MYL12A: variants seen among roughly 807,000 people sequenced by gnomAD.
MYL12A encodes the protein myosin light chain 12A, also known as myosin regulatory light chain 12A.
In MYL12A, 11 loss-of-function variants were observed where a neutral mutation model predicts 13.3. That is an observed-to-expected ratio of 0.83 (90% confidence interval 0.52 to 1.37). The LOEUF is 1.37. Among genes scored for constraint, MYL12A ranks in the 40% most tolerant of loss-of-function variants. The pLI is 0.00. For synonymous variants in MYL12A, 51 were observed against 69.9 expected (o/e 0.73, Z 1.35); for missense variants, 146 against 212.3 (o/e 0.69, Z 1.94).
Position 3,255,542 on chromosome 18 carries a change from G to A in MYL12A, c.344-204G>A, listed in dbSNP as rs2081527857. On this transcript the variant is annotated intron_variant, in intron 3 of 3. Coordinates refer to ENST00000217652, the MANE Select transcript of MYL12A (RefSeq NM_006471.4). ...GCAGAATGATAGAGCAAATGATAGA[G>A]CGGAGCAGTGCTGCTAAGCAGCTAG... 5 of 518,644 alleles carry A rather than the reference G, an allele frequency of 9.6e-6. No homozygotes were observed. In the Admixed American group the frequency reaches 2.0e-4, roughly 20 times the overall value. The allele number at this position is 518,644 out of a possible 1,614,324, so 32.1% of individuals were successfully genotyped here.
At chr18:3,252,470 G>A (rs1189798480) in intron 1 of MYL12A, 16 of 1,274,316 alleles carry the variant, frequency 1.3e-5, no homozygotes, top group South Asian at 1.9e-5. Flanking sequence ...AAATTTTACC[G>A]GGATAAATTT....
Position 3,253,240 on chromosome 18 carries a change from C to A in MYL12A, c.-8C>A, listed in dbSNP as rs762914141. ...ATTTCCTTTCCTAATTAGGACTTAACCACCACCATGTCGAGCAAAAGAACA... is the reference window on the plus strand; with the variant it reads ...ATTTCCTTTCCTAATTAGGACTTAAACACCACCATGTCGAGCAAAAGAACA... On this transcript the variant is annotated 5_prime_UTR_variant, in exon 2 of 4. Transcript: ENST00000217652. 7.3e-5 allele frequency: 118 copies of A among 1,609,300 alleles called. No individual in the cohort carries two copies. The highest frequency in any genetic ancestry group is 9.7e-5 in the Non-Finnish European group (114 of 1,177,216).
Position 3,255,985 on chromosome 18 carries a change from A to G in MYL12A, c.*67A>G. ...TGGGTATTCTGAGATTTTCTCTTGCATGCCCTTAGCTTTACAGCTTTTGCA... is the reference window on the plus strand; with the variant it reads ...TGGGTATTCTGAGATTTTCTCTTGCGTGCCCTTAGCTTTACAGCTTTTGCA... On this transcript the variant is annotated 3_prime_UTR_variant, in exon 4 of 4. Coordinates refer to ENST00000217652, the MANE Select transcript of MYL12A (RefSeq NM_006471.4). 3 of 1,567,682 alleles carry G rather than the reference A, an allele frequency of 1.9e-6. No homozygotes were observed. The highest frequency in any genetic ancestry group is 4.7e-5 in the East Asian group (2 of 42,662).
At chr18:3,252,113 A>G (rs1221353458) in intron 1 of MYL12A, 3 of 463,192 alleles carry the variant, frequency 6.5e-6, no homozygotes, top group African/African-American at 2.0e-5. Context: ...TGCAGTCCAC[A>G]GACTTATTTT....
intron 1 of MYL12A, among the ~76,000 whole-genome samples, chr18:3,251,236 A>G (rs530529656): frequency 3.9e-5 from 6 of 152,292 alleles, no homozygotes; most frequent in African/African-American, 1.4e-4. Context: ...GAAATATATC[A>G]GAATTCAGAA....
rs892002190 is a variant in MYL12A at position 3,255,849 on chromosome 18, A to C, written c.447A>C (p.Lys149Asn). 6.2e-7 allele frequency: 1 copy of C among 1,614,084 alleles called. No individual in the cohort carries two copies. Among genetic ancestry groups the C allele is most frequent in the African/African-American group, 1.3e-5 (1 of 74,954 alleles). Residue 149 changes from lysine to asparagine, a missense_variant, in exon 4 of 4, where the codon AAA (lysine) becomes AAC (asparagine). Coordinates refer to ENST00000217652, the MANE Select transcript of MYL12A (RefSeq NM_006471.4). ...TGTACAGAGAAGCACCTATTGATAA[A>C]AAGGGGAATTTCAATTACATCGAGT... Reference protein sequence around the residue: ...DELYREAPIDKKGNFNYIEFT... With the variant: ...DELYREAPIDNKGNFNYIEFT...
At chr18:3,254,121 C>A in intron 3 of MYL12A, 71 bp downstream of exon 3, 1 of 1,517,960 alleles carries the variant, frequency 6.6e-7, no homozygotes, top group South Asian at 1.2e-5. Context: ...TATACAGTAA[C>A]TTAAAATATG....
At chr18:3,254,553 G>A (rs2081518885) in intron 3 of MYL12A, among the ~76,000 whole-genome samples, 1 of 152,192 alleles carries the variant, frequency 6.6e-6, no homozygotes. Context: ...ATAATTTGGG[G>A]CAAGTTGCTT....
At chr18:3,255,699 A>G (rs767907809) in intron 3 of MYL12A, 47 bp from the exon 4 acceptor site, 1 of 1,560,768 alleles carries the variant, frequency 6.4e-7, no homozygotes, top group East Asian at 2.3e-5. Context: ...TTTGTAATTA[A>G]CCCTCAGAAT....
At chr18:3,253,813 C>A in intron 2 of MYL12A, 76 bp from the exon 3 acceptor site, 1 of 1,428,706 alleles carries the variant, frequency 7.0e-7, no homozygotes, top group Non-Finnish European at 9.5e-7. Flanking sequence ...ATCTTTGTTA[C>A]CAAAATGTTT....
intron 1 of MYL12A, among the ~76,000 whole-genome samples, chr18:3,250,130 G>T (rs996150059): frequency 2.0e-5 from 3 of 151,798 alleles, no homozygotes; most frequent in Non-Finnish European, 1.5e-5. Context: ...GTTAAATGAC[G>T]AGTTAATGGG....
chr18:3,254,176 T>C, intron 3 of MYL12A, 126 bp downstream of exon 3: 1 of 1,083,302 alleles, frequency 9.2e-7, no homozygotes, highest in South Asian at 1.6e-5. Context: ...TTAGACAGAG[T>C]TCTCTTGGCA....
chr18:3,254,138 C>G, intron 3 of MYL12A, 88 bp downstream of exon 3: 1 of 1,451,506 alleles, frequency 6.9e-7, no homozygotes. Flanking sequence ...TATGATAACG[C>G]TCTCAGGTTT....
At chr18:3,254,719 T>C (rs994185640) in intron 3 of MYL12A, among the ~76,000 whole-genome samples, 8 of 152,222 alleles carry the variant, frequency 5.3e-5, no homozygotes, top group Non-Finnish European at 5.9e-5. Context: ...CAAAATGTTA[T>C]CTATATAGGG....
chr18:3,247,731 G>A (rs2081442500), upstream of MYL12A: 1 of 152,296 alleles, frequency 6.6e-6, no homozygotes, highest in South Asian at 2.1e-4. Flanking sequence ...TTCCCTCTCT[G>A]TCGCCCCTCC....
chr18:3,252,249 A>T, intron 1 of MYL12A: 1 of 1,273,018 alleles, frequency 7.9e-7, no homozygotes, highest in Non-Finnish European at 1.1e-6. Context: ...TTGGAAGAAT[A>T]TAACTCAATG....
chr18:3,252,491 G>A (rs1598797296), intron 1 of MYL12A: 2 of 1,256,168 alleles, frequency 1.6e-6, no homozygotes, highest in East Asian at 5.3e-5. Context: ...AGGTAAGAGA[G>A]CAAAGGTAGT....
chr18:3,252,855 G>A (rs112823254), intron 1 of MYL12A, among the ~76,000 whole-genome samples: 11 of 152,176 alleles, frequency 7.2e-5, no homozygotes, highest in Admixed American at 2.0e-4. Context: ...TCACCTTTCT[G>A]TCCACCGTAC....
chr18:3,250,277 G>A (rs1278663172), intron 1 of MYL12A, among the ~76,000 whole-genome samples: 2 of 152,176 alleles, frequency 1.3e-5, no homozygotes, highest in African/African-American at 4.8e-5. Flanking sequence ...TCTAAACTTC[G>A]ATGAGAGTTG....
Sources: allele counts gnomAD v4.1 joint callset (sites outside exome capture counted in the v4.1 genomes callset), GRCh38; gene constraint gnomAD v4.1.1; transcripts MANE v1.5; gene names NCBI Gene and HGNC (gene_info 2026-07-23, HGNC 2026-07-21).